RBFOX1: variants seen among roughly 807,000 people sequenced by gnomAD.
RBFOX1 encodes RNA binding fox-1 homolog 1.
In RBFOX1, 8 loss-of-function variants were observed where a neutral mutation model predicts 57.7. That is an observed-to-expected ratio of 0.14 (90% CI 0.08 to 0.25). RBFOX1 has a LOEUF of 0.25. Among genes scored for constraint, RBFOX1 ranks in the 10% least tolerant of loss-of-function variants. RBFOX1 has a pLI of 1.00. For missense variants in RBFOX1, 611 were observed against 548.5 expected, an observed-to-expected ratio of 1.11 and a Z score of -1.14; for synonymous variants, 326 against 222.4, an observed-to-expected ratio of 1.47 and a Z score of -4.15.
At chr16:6,707,651 G>C (rs2063000783) in intron 3 of RBFOX1, among the ~76,000 whole-genome samples, 1 of 152,012 alleles carries the variant, frequency 6.6e-6, no homozygotes, top group African/African-American at 2.4e-5. Flanking sequence ...TCTCCAGAAA[G>C]GAAGGGCATG....
intron 7 of RBFOX1, among the ~76,000 whole-genome samples, chr16:7,590,528 A>T (rs2094387351): frequency 6.6e-6 from 1 of 152,042 alleles, no homozygotes; most frequent in African/African-American, 2.4e-5. Context: ...GGTCTATTTA[A>T]GGGCTGTATG....
At chr16:5,693,189 C>G (rs995396274) in intron 3 of RBFOX1, among the ~76,000 whole-genome samples, 2 of 152,084 alleles carry the variant, frequency 1.3e-5, no homozygotes, top group African/African-American at 4.8e-5. Context: ...GATGATACAT[C>G]TCTTCTCTCC....
At chr16:5,980,853 C>CGGGCAAT (rs981764103) in intron 4 of RBFOX1, among the ~76,000 whole-genome samples, 6 of 152,064 alleles carry the variant, frequency 3.9e-5, no homozygotes, top group African/African-American at 1.4e-4. Flanking sequence ...TGTCGGGCAA[C>CGGGCAAT]GCTGTCGTCC....
intron 3 of RBFOX1, among the ~76,000 whole-genome samples, chr16:5,861,514 C>T (rs1004405987): frequency 6.6e-5 from 10 of 152,192 alleles, no homozygotes; most frequent in African/African-American, 2.2e-4. Context: ...ATTCAATTTG[C>T]TCTCCCACCT....
At chr16:5,921,740 T>G (rs1036625108) in intron 4 of RBFOX1, among the ~76,000 whole-genome samples, 3 of 152,054 alleles carry the variant, frequency 2.0e-5, no homozygotes, top group East Asian at 1.9e-4. Context: ...AATCTGCTGC[T>G]GGGGAGGCCT....
chr16:6,946,715 G>T (rs887554146), intron 3 of RBFOX1, among the ~76,000 whole-genome samples: 7 of 151,966 alleles, frequency 4.6e-5, no homozygotes, highest in African/African-American at 1.5e-4. Flanking sequence ...TGATCCTCTT[G>T]CCTGAGTCTC....
intron 4 of RBFOX1, among the ~76,000 whole-genome samples, chr16:7,208,310 A>C (rs930803812): frequency 6.6e-6 from 1 of 152,160 alleles, no homozygotes; most frequent in African/African-American, 2.4e-5. Flanking sequence ...GTCTTAGTTC[A>C]CTTGTGTTTC....
intron 3 of RBFOX1, among the ~76,000 whole-genome samples, chr16:5,685,590 T>G (rs527471920): frequency 2.0e-5 from 3 of 152,336 alleles, no homozygotes; most frequent in African/African-American, 7.2e-5. Context: ...TAAAGAAAAT[T>G]AAATTGAACT....
intron 2 of RBFOX1, among the ~76,000 whole-genome samples, chr16:6,325,486 G>A (rs2082271195): frequency 6.6e-6 from 1 of 152,204 alleles, no homozygotes; most frequent in South Asian, 2.1e-4. Context: ...ACCAACTGAA[G>A]AAAAACAGTA....
Position 5,618,612 on chromosome 16 carries a change from C to G in RBFOX1, c.318+19651C>G, listed in dbSNP as rs1202433671. ...TCGGCCTCCCAAAGTGCTGGGATCA[C>G]AGGCGTGAGCCATCGCGCCCAGCTG... On this transcript the variant is annotated intron_variant, in intron 3 of 19. Coordinates refer to the RBFOX1 transcript ENST00000641259. 2.0e-5 allele frequency among the ~76,000 whole-genome samples: 3 copies of G among 152,344 alleles called. No homozygotes were observed. In the East Asian group the frequency reaches 5.8e-4, roughly 29 times the overall value.
At chr16:6,720,282 T>C (rs1255300897) in intron 3 of RBFOX1, among the ~76,000 whole-genome samples, 1 of 152,124 alleles carries the variant, frequency 6.6e-6, no homozygotes, top group Non-Finnish European at 1.5e-5. Context: ...CCCTTCACTC[T>C]TTTTCTCCTG....
intron 1 of RBFOX1, among the ~76,000 whole-genome samples, chr16:5,456,503 G>A (rs2068635257): frequency 1.3e-5 from 2 of 152,158 alleles, no homozygotes; most frequent in Non-Finnish European, 2.9e-5. Flanking sequence ...AGTCATGATA[G>A]CAATGATGTT....
chr16:7,678,549 T>G (rs969325654), intron 14 of RBFOX1, among the ~76,000 whole-genome samples: 3 of 152,182 alleles, frequency 2.0e-5, no homozygotes, highest in African/African-American at 7.2e-5. Context: ...TCTAGCCTGC[T>G]GTATAATTAT....
At chr16:5,981,497 C>G (rs189187689) in intron 4 of RBFOX1, among the ~76,000 whole-genome samples, 1 of 152,248 alleles carries the variant, frequency 6.6e-6, no homozygotes, top group Admixed American at 6.5e-5. Context: ...GAGATGGAGT[C>G]TCATTCTGTC....
chr16:5,289,510 A>G (rs1209532152), intron 1 of RBFOX1: 9 of 191,874 alleles, frequency 4.7e-5, no homozygotes, highest in East Asian at 3.6e-4. Context: ...TTATACATGT[A>G]GACCTGGTAT....
intron 3 of RBFOX1, among the ~76,000 whole-genome samples, chr16:5,861,832 C>A (rs181086648): frequency 6.6e-6 from 1 of 152,154 alleles, no homozygotes; most frequent in Non-Finnish European, 1.5e-5. Context: ...AATGGCAGAA[C>A]AGATGAAACC....
chr16:5,759,968 C>G (rs993029085), intron 3 of RBFOX1, among the ~76,000 whole-genome samples: 1 of 149,162 alleles, frequency 6.7e-6, no homozygotes, highest in Non-Finnish European at 1.5e-5. Flanking sequence ...ATGTAGGTTT[C>G]TATAATCTTG....
chr16:7,215,198 G>A (rs1296683585), intron 4 of RBFOX1, among the ~76,000 whole-genome samples: 1 of 152,164 alleles, frequency 6.6e-6, no homozygotes, highest in Non-Finnish European at 1.5e-5. Context: ...TGAGGATGAT[G>A]GTTCAGCTTC....
intron 3 of RBFOX1, among the ~76,000 whole-genome samples, chr16:6,693,612 T>C (rs563348285): frequency 1.3e-5 from 2 of 149,946 alleles, no homozygotes; most frequent in South Asian, 4.3e-4. Flanking sequence ...ACCACCATCA[T>C]CATCAACACA....
Sources: gnomAD v4.1 joint callset for allele counts (sites outside exome capture counted in the v4.1 genomes callset) on GRCh38, gnomAD v4.1.1 for gene constraint, MANE v1.5 for transcripts, NCBI Gene and HGNC (gene_info 2026-07-23, HGNC 2026-07-21) for gene names.